The following SYT9 variants were observed in gnomAD, a reference collection of about 807,000 sequenced individuals.
SYT9 encodes synaptotagmin 9.
Under a neutral mutation model 48.4 loss-of-function variants are expected in SYT9, and 22 were observed. That is an observed-to-expected ratio of 0.45 (90% CI 0.32 to 0.65). The LOEUF (loss-of-function observed/expected upper bound fraction) is 0.65, where lower values mean the gene tolerates loss of function less well. SYT9 is among the 30% of genes least tolerant of loss of function. The probability of loss-of-function intolerance (pLI) is 0.03; values close to 1 mark genes in which losing one functional copy is unlikely to be tolerated. For missense variants in SYT9, 577 were observed against 622.0 expected (o/e 0.93, Z 0.77); for synonymous variants, 265 against 245.0 (o/e 1.08, Z -0.76).
chr11:7,434,145 A>G (rs1279773160), intron 6 of SYT9, among the ~76,000 whole-genome samples: 1 of 152,196 alleles, frequency 6.6e-6, no homozygotes, highest in African/African-American at 2.4e-5. Flanking sequence ...CCATGAATTC[A>G]AACACAATCT....
At position 7,319,442 on chromosome 11, in the gene SYT9, T is replaced by C. The variant is rs984555405; in HGVS notation, c.1044+5501T>C. Reference sequence around the variant, plus strand: ...CTGACCTCCAATTGTTTTTGAGAAGTTGACATTTGGTCTAATATATATTCC... The same window carrying C: ...CTGACCTCCAATTGTTTTTGAGAAGCTGACATTTGGTCTAATATATATTCC... On this transcript the variant is annotated intron_variant, in intron 3 of 6. Transcript: ENST00000318881. Among the ~76,000 whole-genome samples, 52 of 152,150 alleles carry C rather than the reference T, an allele frequency of 3.4e-4. 2 individuals carry two copies. The highest frequency in any genetic ancestry group is 1.6e-4 in the Non-Finnish European group (11 of 68,030).
Position 7,407,426 on chromosome 11 carries a change from T to C in SYT9, c.1045-8616T>C, listed in dbSNP as rs1372372646. Among the ~76,000 whole-genome samples, 5 of 43,746 alleles carry C rather than the reference T, an allele frequency of 1.1e-4. 1 individual carries two copies. The highest frequency in any genetic ancestry group is 2.0e-4 in the Non-Finnish European group (5 of 25,026). The allele number at this position is 43,746 out of a possible 152,430, so 28.7% of individuals were successfully genotyped here. On this transcript the variant is annotated intron_variant, in intron 3 of 6. Coordinates refer to ENST00000318881, the MANE Select transcript of SYT9 (RefSeq NM_175733.4). ...TCTCGCTCTGTCGCCCAGGCCGGAC[T>C]GCGGACTGCAGTGGCGCAATCTCGG...
chr11:7,344,579 T>C (rs1849768130), intron 3 of SYT9, among the ~76,000 whole-genome samples: 1 of 152,226 alleles, frequency 6.6e-6, no homozygotes, highest in Non-Finnish European at 1.5e-5. Flanking sequence ...TTTTTATGTA[T>C]AGTATGATAT....
At chr11:7,353,896 T>G (rs1849966258) in intron 3 of SYT9, among the ~76,000 whole-genome samples, 1 of 152,228 alleles carries the variant, frequency 6.6e-6, no homozygotes, top group Non-Finnish European at 1.5e-5. Context: ...ATTAAAAACA[T>G]ACACAAAATT....
chr11:7,342,567 C>T (rs1849732115), intron 3 of SYT9, among the ~76,000 whole-genome samples: 1 of 152,190 alleles, frequency 6.6e-6, no homozygotes, highest in South Asian at 2.1e-4. Flanking sequence ...GCAGCTCTGC[C>T]CCTGTGGCTT....
At position 7,408,190 on chromosome 11, in the gene SYT9, A is replaced by G. The variant is rs139175990; in HGVS notation, c.1045-7852A>G. Among the ~76,000 whole-genome samples, 124 of 152,254 alleles carry G rather than the reference A, an allele frequency of 8.1e-4. 4 individuals are homozygous for G. In the East Asian group the frequency reaches 0.017, roughly 20 times the overall value. On this transcript the variant is annotated intron_variant, in intron 3 of 6. Transcript: ENST00000318881. ...GTTGCCCAGGCTGGAGTGCAATGGCATGATCTCTGCTTACCGCAACCTCCA... is the reference window on the plus strand; with the variant it reads ...GTTGCCCAGGCTGGAGTGCAATGGCGTGATCTCTGCTTACCGCAACCTCCA...
At chr11:7,391,006 A>G (rs992521002) in intron 3 of SYT9, among the ~76,000 whole-genome samples, 8 of 152,044 alleles carry the variant, frequency 5.3e-5, no homozygotes, top group African/African-American at 1.9e-4. Context: ...AGTCCGTAGT[A>G]TCTCTTGTCC....
At chr11:7,425,497 G>T (rs10839780) in intron 6 of SYT9, among the ~76,000 whole-genome samples, 14,408 of 152,192 alleles carry the variant, frequency 0.095, 791 homozygotes, top group Middle Eastern at 0.17. Flanking sequence ...GTGTTGCAGG[G>T]CTTGGGTCTT....
At chr11:7,239,445 T>C (rs1226450888) in intron 1 of SYT9, among the ~76,000 whole-genome samples, 3 of 152,148 alleles carry the variant, frequency 2.0e-5, no homozygotes, top group Non-Finnish European at 2.9e-5. Flanking sequence ...CCTAATTATG[T>C]CAGATGCTCC....
intron 3 of SYT9, among the ~76,000 whole-genome samples, chr11:7,378,421 A>G (rs1352099178): frequency 6.6e-6 from 1 of 152,104 alleles, no homozygotes; most frequent in Non-Finnish European, 1.5e-5. Flanking sequence ...TGGAAGAGGT[A>G]AATTGCTCCT....
chr11:7,313,317 T>A, intron 2 of SYT9, 78 bp from the exon 3 acceptor site: 1 of 1,447,328 alleles, frequency 6.9e-7, no homozygotes, highest in Non-Finnish European at 9.3e-7. Context: ...ACAGTCTACC[T>A]ACATCCCAGG....
intron 3 of SYT9, among the ~76,000 whole-genome samples, chr11:7,387,147 G>C (rs1006528952): frequency 2.0e-5 from 3 of 152,224 alleles, no homozygotes; most frequent in Admixed American, 1.3e-4. Flanking sequence ...AGGGCCTGTT[G>C]TGGGGTGTGG....
Position 7,252,413 on chromosome 11 carries a change from A to C in SYT9, c.145+82A>C. 4.5e-6 allele frequency: 6 copies of C among 1,325,178 alleles called. No homozygotes were observed. In the South Asian group the frequency reaches 1.2e-4, roughly 26 times the overall value. 82.1% of individuals were successfully genotyped at this position (1,325,178 alleles called of 1,614,324 possible). Reference sequence around the variant, plus strand: ...GCCGCACCGGGGCCTGAGGCAGAACAGCGACGCGGACTGGGAGAGGGCGGG... The same window carrying C: ...GCCGCACCGGGGCCTGAGGCAGAACCGCGACGCGGACTGGGAGAGGGCGGG... On this transcript the variant is annotated intron_variant, in intron 1 of 6. Transcript: ENST00000318881. This position sits in a 1 kb window ranked among gnomAD's most constrained non-coding sequence, Gnocchi z 6.3.
chr11:7,283,974 C>G (rs771606538), intron 1 of SYT9, among the ~76,000 whole-genome samples: 27 of 152,226 alleles, frequency 1.8e-4, no homozygotes, highest in Admixed American at 4.6e-4. Context: ...GATTTCTGTT[C>G]CTTGCATCTA....
intron 1 of SYT9, among the ~76,000 whole-genome samples, chr11:7,274,948 A>G (rs1848360558): frequency 6.6e-6 from 1 of 151,696 alleles, no homozygotes; most frequent in Admixed American, 6.6e-5. Context: ...ATCACACCTG[A>G]TTCTTCACAC....
Position 7,399,616 on chromosome 11 carries a change from G to A in SYT9, c.1045-16426G>A, listed in dbSNP as rs188620498. ...TTTCCACTGATGAAAATCTGACACT[G>A]GAAGTCCATAAAGTTGTTGACACAT... On this transcript the variant is annotated intron_variant, in intron 3 of 6. Coordinates refer to ENST00000318881, the MANE Select transcript of SYT9 (RefSeq NM_175733.4). Among the ~76,000 whole-genome samples the A allele has an allele frequency of 5.3e-5, 8 of 152,312 alleles. 1 individual carries two copies. In the East Asian group the frequency reaches 1.3e-3, roughly 26 times the overall value.
intron 1 of SYT9, among the ~76,000 whole-genome samples, chr11:7,265,982 G>C (rs1014226661): frequency 6.6e-6 from 1 of 152,100 alleles, no homozygotes; most frequent in Non-Finnish European, 1.5e-5. Flanking sequence ...CTCACTTCTT[G>C]TCAGAAAAAC....
At position 7,393,229 on chromosome 11, in the gene SYT9, G is replaced by A. The variant is rs537259525; in HGVS notation, c.1045-22813G>A. On this transcript the variant is annotated intron_variant, in intron 3 of 6. Transcript: ENST00000318881. ...TTGTTCATTCAGTATTATGTTGGCTGTGGATTTGTCATAGATGGCTCTTTC... is the reference window on the plus strand; with the variant it reads ...TTGTTCATTCAGTATTATGTTGGCTATGGATTTGTCATAGATGGCTCTTTC... 2.0e-5 allele frequency among the ~76,000 whole-genome samples: 3 copies of A among 151,052 alleles called. No individual in the cohort carries two copies. In the East Asian group the frequency reaches 5.8e-4, roughly 29 times the overall value.
In SYT9 at chr11:7,317,360, A is replaced by G. The variant is rs531349091; in HGVS notation, c.1044+3419A>G. Among the ~76,000 whole-genome samples, 5 of 152,288 alleles carry G rather than the reference A, an allele frequency of 3.3e-5. No individual in the cohort carries two copies. The East Asian group carries it at 9.6e-4, about 29-fold the overall frequency. ...ATAAACTGGGCAACTTAAACAATAG[A>G]TATTTATTTCTTAGAGTTCTGGAGC... On this transcript the variant is annotated intron_variant, in intron 3 of 6. Coordinates refer to ENST00000318881, the MANE Select transcript of SYT9 (RefSeq NM_175733.4).
Sources: gnomAD v4.1 joint callset for allele counts (sites outside exome capture counted in the v4.1 genomes callset) on GRCh38, gnomAD v4.1.1 for gene constraint, Gnocchi (gnomAD v3.1) non-coding constraint, MANE v1.5 for transcripts, NCBI Gene and HGNC (gene_info 2026-07-23, HGNC 2026-07-21) for gene names.